PLCH1: variants seen among roughly 807,000 people sequenced by gnomAD.
PLCH1 encodes the protein phospholipase C eta 1.
A neutral mutation model predicts 126.7 loss-of-function variants in PLCH1; 60 were observed. The observed-to-expected ratio is 0.47, with a 90% confidence interval of 0.38 to 0.59. The LOEUF is 0.59. Ranked by LOEUF, PLCH1 falls within the 20% of genes least tolerant of loss-of-function variation. The pLI, the probability that PLCH1 is intolerant of heterozygous loss-of-function variation, is 0.00. For missense variants in PLCH1, 1,723 were observed against 2,040.0 expected, an observed-to-expected ratio of 0.84 and a Z score of 2.99; for synonymous variants, 719 against 734.9, an observed-to-expected ratio of 0.98 and a Z score of 0.35.
At chr3:155,547,425 CT>C (rs71155053) in intron 10 of PLCH1, among the ~76,000 whole-genome samples, 99,596 of 126,532 alleles carry the variant, frequency 0.79, 40,869 homozygotes, top group Middle Eastern at 0.93. Flanking sequence ...AATAGGAACA[CT>C]TTTACACTGT....
intron 12 of PLCH1, among the ~76,000 whole-genome samples, chr3:155,511,714 G>C (rs1412942541): frequency 2.1e-5 from 3 of 143,684 alleles, no homozygotes; most frequent in Non-Finnish European, 4.5e-5. Flanking sequence ...CCCGTTCTCA[G>C]ATCTCCAGCT....
At chr3:155,677,604 C>T (rs2109005728) in intron 2 of PLCH1, among the ~76,000 whole-genome samples, 1 of 152,322 alleles carries the variant, frequency 6.6e-6, no homozygotes, top group Non-Finnish European at 1.5e-5. Context: ...TTCTCTGCTC[C>T]TCCATTTCCT....
rs1714196377 is a variant in PLCH1 at position 155,482,207 on chromosome 3, G to A, written c.3819C>T (p.Pro1273=). The A allele has an allele frequency of 1.9e-6, 3 of 1,614,180 alleles. No homozygotes were observed. The highest frequency in any genetic ancestry group is 1.3e-5 in the African/African-American group (1 of 75,050). ...TNTVYETTCT[P]ISKTKPDDDL... ...CATCATCTGGTTTGGTTTTAGAGAT[G>A]GGAGTGCAGGTAGTTTCATAAACTG... The change falls in exon 23 of 23, where the codon CCC becomes CCT. Residue 1273 remains proline (P), a synonymous_variant. Transcript: ENST00000460012.
At chr3:155,458,049 A>C (rs1217286758) in intron 21 of PLCH1, among the ~76,000 whole-genome samples, 1 of 152,170 alleles carries the variant, frequency 6.6e-6, no homozygotes, top group Non-Finnish European at 1.5e-5. Context: ...TAGATTAGAA[A>C]GTGTGGGTAA....
chr3:155,606,197 A>G (rs1208028111), intron 2 of PLCH1, among the ~76,000 whole-genome samples: 2 of 152,096 alleles, frequency 1.3e-5, no homozygotes, highest in Non-Finnish European at 2.9e-5. Flanking sequence ...TTCTCAGTCC[A>G]TTGAATTGTT....
rs1471337688 is a variant in PLCH1 at position 155,490,885 on chromosome 3, A to C, written c.2308-17T>G. 1.2e-5 allele frequency: 16 copies of C among 1,283,114 alleles called. No homozygotes were observed. The highest frequency in any genetic ancestry group is 1.7e-5 in the Non-Finnish European group (15 of 881,168). The allele number at this position is 1,283,114 out of a possible 1,614,324, so 79.5% of individuals were successfully genotyped here. On this transcript the variant is annotated splice_polypyrimidine_tract_variant and intron_variant, in intron 18 of 22. Coordinates refer to ENST00000460012, the MANE Select transcript of PLCH1 (RefSeq NM_014996.4). ...GTCAATGATCTATTAAGTAAAGAGA[A>C]AGTACTATTACAAATAACATATTTC...
chr3:155,714,424 C>G (rs1226560592), intron 1 of PLCH1, among the ~76,000 whole-genome samples: 3 of 152,152 alleles, frequency 2.0e-5, no homozygotes, highest in African/African-American at 4.8e-5. Flanking sequence ...CCACCATCAG[C>G]CCCTCCCCTA....
chr3:155,547,335 G>A (rs372614519), intron 10 of PLCH1, among the ~76,000 whole-genome samples: 2 of 151,458 alleles, frequency 1.3e-5, no homozygotes, highest in African/African-American at 2.4e-5. Context: ...CAAAACCACA[G>A]TGAGATACCA....
intron 9 of PLCH1, among the ~76,000 whole-genome samples, chr3:155,551,168 G>A (rs1007719636): frequency 2.0e-5 from 3 of 152,158 alleles, no homozygotes; most frequent in Non-Finnish European, 2.9e-5. Context: ...TTAGTGGCAG[G>A]GAGTGGTGGC....
chr3:155,718,038 T>C (rs1747663204), intron 1 of PLCH1, among the ~76,000 whole-genome samples: 1 of 152,182 alleles, frequency 6.6e-6, no homozygotes, highest in Non-Finnish European at 1.5e-5. Context: ...AGGTCACAAC[T>C]TGAACAATAC....
At chr3:155,689,277 T>C (rs1419886425) in intron 2 of PLCH1, among the ~76,000 whole-genome samples, 1 of 152,154 alleles carries the variant, frequency 6.6e-6, no homozygotes, top group African/African-American at 2.4e-5. Context: ...CCAAGTCTCT[T>C]TTAATACCTG....
chr3:155,743,683 C>T (rs1395106411), intron 1 of PLCH1: 2 of 372,676 alleles, frequency 5.4e-6, no homozygotes, highest in Non-Finnish European at 1.0e-5. Context: ...CTGGGAAATC[C>T]TTTGTTTCTT....
chr3:155,484,808 A>G (rs554656612), intron 22 of PLCH1, among the ~76,000 whole-genome samples: 1 of 152,332 alleles, frequency 6.6e-6, no homozygotes, highest in East Asian at 1.9e-4. Flanking sequence ...CTGAAGCTGC[A>G]GGCACACCTC....
chr3:155,552,146 T>C (rs972550457), intron 9 of PLCH1, among the ~76,000 whole-genome samples: 1 of 152,214 alleles, frequency 6.6e-6, no homozygotes, highest in African/African-American at 2.4e-5. Context: ...AGACCAAATA[T>C]TGGAAATTTT....
intron 2 of PLCH1, among the ~76,000 whole-genome samples, chr3:155,644,814 T>A (rs1365830026): frequency 6.6e-6 from 1 of 152,188 alleles, no homozygotes; most frequent in African/African-American, 2.4e-5. Flanking sequence ...TCCTCTTCTG[T>A]TGATAAGAAC....
At chr3:155,497,240 A>C in intron 15 of PLCH1, 80 bp downstream of exon 15, 1 of 1,034,186 alleles carries the variant, frequency 9.7e-7, no homozygotes, top group East Asian at 2.4e-5. Flanking sequence ...TAATGGGATT[A>C]ACAAAAATTC....
chr3:155,685,900 C>T (rs988638916), intron 2 of PLCH1, among the ~76,000 whole-genome samples: 1 of 152,162 alleles, frequency 6.6e-6, no homozygotes, highest in African/African-American at 2.4e-5. Context: ...ACCCTAAGAA[C>T]TTGGTAGGAT....
chr3:155,503,216 T>C (rs1188329127), intron 13 of PLCH1, among the ~76,000 whole-genome samples: 1 of 152,188 alleles, frequency 6.6e-6, no homozygotes, highest in Non-Finnish European at 1.5e-5. Flanking sequence ...CTTCTGATCC[T>C]CCAATTCTGT....
chr3:155,479,340 C>T (rs1282374840), downstream of PLCH1, among the ~76,000 whole-genome samples: 2 of 152,232 alleles, frequency 1.3e-5, no homozygotes, highest in Non-Finnish European at 1.5e-5. Context: ...TGGTCACTTA[C>T]CCTTTCATCA....
Sources: allele counts gnomAD v4.1 joint callset (sites outside exome capture counted in the v4.1 genomes callset), GRCh38; gene constraint gnomAD v4.1.1; transcripts MANE v1.5; gene names NCBI Gene and HGNC (gene_info 2026-07-23, HGNC 2026-07-21).